The following SLC24A2 variants were observed in gnomAD, a reference collection of about 807,000 sequenced individuals.
SLC24A2 encodes the protein solute carrier family 24 member 2.
Under a neutral mutation model 62.0 loss-of-function variants are expected in SLC24A2, and 36 were observed. The ratio of observed to expected loss-of-function variants is 0.58; its 90% CI spans 0.44 to 0.77. The LOEUF (loss-of-function observed/expected upper bound fraction) is 0.77, where lower values mean the gene tolerates loss of function less well. Among genes scored for constraint, SLC24A2 ranks in the 30% least tolerant of loss-of-function variants. The probability of loss-of-function intolerance (pLI) is 0.00; values close to 1 mark genes in which losing one functional copy is unlikely to be tolerated. For synonymous variants in SLC24A2, 358 were observed against 294.0 expected, an observed-to-expected ratio of 1.22 and a Z score of -2.23; for missense variants, 846 against 817.9, an observed-to-expected ratio of 1.03 and a Z score of -0.42.
chr9:19,619,263 G>C (rs1005820557), intron 4 of SLC24A2, among the ~76,000 whole-genome samples: 1 of 152,306 alleles, frequency 6.6e-6, no homozygotes, highest in African/African-American at 2.4e-5. Flanking sequence ...GATGACAAAA[G>C]AGAACTGTTA....
chr9:19,998,070 A>G, the SLC24A2 span, among the ~76,000 whole-genome samples: 1 of 152,190 alleles, frequency 6.6e-6, no homozygotes, highest in Admixed American at 6.5e-5. Context: ...ATCTCTCACT[A>G]TTTAGCACTT....
At chr9:20,212,316 G>GAAAA in the SLC24A2 span, among the ~76,000 whole-genome samples, 1 of 150,566 alleles carries the variant, frequency 6.6e-6, no homozygotes, top group Non-Finnish European at 1.5e-5. Flanking sequence ...ATATACAAAG[G>GAAAA]AAAAAAAAAT....
intron 1 of SLC24A2, among the ~76,000 whole-genome samples, chr9:19,788,320 G>A (rs112689383): frequency 6.6e-6 from 1 of 152,252 alleles, no homozygotes; most frequent in African/African-American, 2.4e-5. Context: ...TGCCCGGCCC[G>A]GGCGACCAGC....
At chr9:19,684,364 A>C (rs1819814187) in intron 2 of SLC24A2, among the ~76,000 whole-genome samples, 1 of 152,092 alleles carries the variant, frequency 6.6e-6, no homozygotes, top group Non-Finnish European at 1.5e-5. Flanking sequence ...CCTTAAAGCA[A>C]ACTTCCATTC....
chr9:19,946,177 T>C, the SLC24A2 span, among the ~76,000 whole-genome samples: 8 of 152,128 alleles, frequency 5.3e-5, no homozygotes, highest in African/African-American at 1.9e-4. Flanking sequence ...ACTAAGTCCA[T>C]CCCCCAGCTC....
the SLC24A2 span, among the ~76,000 whole-genome samples, chr9:20,000,476 A>C: frequency 2.6e-5 from 4 of 152,312 alleles, no homozygotes; most frequent in East Asian, 7.7e-4. Flanking sequence ...TATAGGTATA[A>C]ACTCTATCTT....
the SLC24A2 span, among the ~76,000 whole-genome samples, chr9:19,828,756 G>C: frequency 3.7e-4 from 57 of 152,184 alleles, no homozygotes; most frequent in African/African-American, 1.4e-3. Flanking sequence ...CATTGCTTGA[G>C]GGGGTGGGTA....
chr9:20,126,213 G>T, the SLC24A2 span, among the ~76,000 whole-genome samples: 1 of 152,126 alleles, frequency 6.6e-6, no homozygotes, highest in African/African-American at 2.4e-5. Context: ...GCTAGTATGT[G>T]TGAAAACATA....
At chr9:20,041,068 C>G in the SLC24A2 span, among the ~76,000 whole-genome samples, 1 of 152,172 alleles carries the variant, frequency 6.6e-6, no homozygotes, top group African/African-American at 2.4e-5. Context: ...TTTAAAGAAG[C>G]AATGTCTAAA....
At chr9:20,271,829 C>T in the SLC24A2 span, among the ~76,000 whole-genome samples, 1 of 152,042 alleles carries the variant, frequency 6.6e-6, no homozygotes, top group Non-Finnish European at 1.5e-5. Flanking sequence ...TAAAGAAATT[C>T]AACTAAAAAA....
chr9:19,949,121 G>A, the SLC24A2 span, among the ~76,000 whole-genome samples: 1 of 152,142 alleles, frequency 6.6e-6, no homozygotes, highest in Non-Finnish European at 1.5e-5. Context: ...AGCCTCCTGA[G>A]AAGCTGGGAT....
the SLC24A2 span, among the ~76,000 whole-genome samples, chr9:20,219,883 G>A: frequency 6.6e-6 from 1 of 152,064 alleles, no homozygotes; most frequent in East Asian, 1.9e-4. Flanking sequence ...TTCATATTAA[G>A]AGTGATTAAG....
At chr9:19,595,631 T>C (rs1036936536) in intron 5 of SLC24A2, among the ~76,000 whole-genome samples, 1 of 152,214 alleles carries the variant, frequency 6.6e-6, no homozygotes, top group African/African-American at 2.4e-5. Flanking sequence ...ATCTTCGTCT[T>C]ATCTTAAATT....
At chr9:19,674,346 A>C (rs1345295372) in intron 2 of SLC24A2, among the ~76,000 whole-genome samples, 1 of 152,178 alleles carries the variant, frequency 6.6e-6, no homozygotes, top group East Asian at 1.9e-4. Flanking sequence ...CAATGTGCCT[A>C]GGTGATCTTT....
At chr9:19,636,315 T>TTTCCTTTTCTTTTC (rs1554690361) in intron 2 of SLC24A2, among the ~76,000 whole-genome samples, 1 of 40,328 alleles carries the variant, frequency 2.5e-5, no homozygotes, top group Non-Finnish European at 4.7e-5. Flanking sequence ...TTTTCTTTTC[T>TTTCCTTTTCTTTTC]TTTCTTTCTT....
upstream of SLC24A2, among the ~76,000 whole-genome samples, chr9:19,790,343 C>T: frequency 6.6e-6 from 1 of 152,094 alleles, no homozygotes; most frequent in East Asian, 1.9e-4. Context: ...AACTCATGGA[C>T]AGTCATATTT....
At chr9:20,193,832 G>C in the SLC24A2 span, among the ~76,000 whole-genome samples, 1 of 151,998 alleles carries the variant, frequency 6.6e-6, no homozygotes, top group African/African-American at 2.4e-5. Flanking sequence ...TTTTTGTTTT[G>C]TTTTGTTTTT....
chr9:20,099,883 C>T, the SLC24A2 span, among the ~76,000 whole-genome samples: 7 of 152,178 alleles, frequency 4.6e-5, no homozygotes, highest in East Asian at 1.9e-4. Context: ...CCAAATCCCA[C>T]CACTCATGGG....
At chr9:20,155,426 T>C in the SLC24A2 span, among the ~76,000 whole-genome samples, 537 of 151,920 alleles carry the variant, frequency 3.5e-3, 3 homozygotes, top group Non-Finnish European at 4.5e-3. Flanking sequence ...AACAAGATCA[T>C]CTTACAATTA....
Sources: allele counts gnomAD v4.1 joint callset (sites outside exome capture counted in the v4.1 genomes callset), GRCh38; gene constraint gnomAD v4.1.1; transcripts MANE v1.5; gene names NCBI Gene and HGNC (gene_info 2026-07-23, HGNC 2026-07-21).